Variants in EIF4G1 observed in about 807,000 individuals in gnomAD.
EIF4G1 encodes the protein eukaryotic translation initiation factor 4 gamma 1, also known as EIF4-gamma.
EIF4G1 carries 4 observed loss-of-function variants against 187.8 expected under a neutral mutation model. That is an observed-to-expected ratio of 0.02 (90% CI 0.01 to 0.05). The LOEUF (loss-of-function observed/expected upper bound fraction) is 0.05. Ranked by LOEUF, EIF4G1 falls within the 10% of genes least tolerant of loss-of-function variation. EIF4G1 has a pLI of 1.00. For synonymous variants in EIF4G1, 844 were observed against 781.4 expected, an observed-to-expected ratio of 1.08 and a Z score of -1.34; for missense variants, 1,647 against 2,081.1, an observed-to-expected ratio of 0.79 and a Z score of 4.06.
chr3:184,328,573 C>T (rs1450264489), intron 26 of EIF4G1, 58 bp from the exon 27 acceptor site: 1 of 1,613,408 alleles, frequency 6.2e-7, no homozygotes, highest in African/African-American at 1.3e-5. Context: ...GCCACGTTGC[C>T]CCAGAAGGAG....
At chr3:184,328,306 G>T in intron 26 of EIF4G1, 1 of 483,270 alleles carries the variant, frequency 2.1e-6, no homozygotes. Context: ...CAGGAGAACT[G>T]CTTGAACCCG....
intron 7 of EIF4G1, 139 bp downstream of exon 7, chr3:184,319,940 G>C (rs1723571874): frequency 8.5e-6 from 6 of 708,200 alleles, no homozygotes; most frequent in Non-Finnish European, 1.5e-5. Flanking sequence ...TCTGTGGAGG[G>C]CTCAGGTTCT....
intron 1 of EIF4G1, 51 bp from the exon 2 acceptor site, chr3:184,315,429 CGGTCTGGTT>C: frequency 1.8e-6 from 1 of 555,144 alleles, no homozygotes; most frequent in Non-Finnish European, 3.5e-6. Context: ...CTGGAATTTC[CGGTCTGGTT>C]GGTCTGGGGC....
At chr3:184,332,381 G>A (rs1354699065) in intron 32 of EIF4G1, among the ~76,000 whole-genome samples, 1 of 152,232 alleles carries the variant, frequency 6.6e-6, no homozygotes, top group Non-Finnish European at 1.5e-5. Flanking sequence ...TGCCCCCACG[G>A]CGTGGCACAG....
In EIF4G1 at chr3:184,335,268, C is replaced by G. The variant is rs1726900585; in HGVS notation, c.*360C>G. ...GTCCTCGCTGCTGGGGGCATATGCCCCAGCCCCTGTACCACCCCTGCTGTT... is the reference window on the plus strand; with the variant it reads ...GTCCTCGCTGCTGGGGGCATATGCCGCAGCCCCTGTACCACCCCTGCTGTT... On this transcript the variant is annotated 3_prime_UTR_variant, in exon 33 of 33. Coordinates refer to ENST00000346169, the MANE Select transcript of EIF4G1 (RefSeq NM_198241.3). 6.8e-6 allele frequency: 2 copies of G among 293,904 alleles called. No individual in the cohort carries two copies. The highest frequency in any genetic ancestry group is 9.4e-5 in the Admixed American group (2 of 21,220). 18.2% of individuals were successfully genotyped at this position (293,904 alleles called of 1,614,324 possible). A position where few individuals can be genotyped will look rare whatever the true frequency, so the allele number is the denominator to read the frequency against.
Position 184,325,701 on chromosome 3 carries a change from C to T in EIF4G1, c.3121+62C>T, listed in dbSNP as rs1277577327. On this transcript the variant is annotated intron_variant, in intron 20 of 32. Coordinates refer to ENST00000346169, the MANE Select transcript of EIF4G1 (RefSeq NM_198241.3). The surrounding 1 kb of genome is among the most constrained non-coding windows in gnomAD (Gnocchi z 5.2). ...AGGGACCGGGAGGTTATACTTTCCT[C>T]TGATGACTTCCTGTTAGTGCCACGT... 6.2e-7 allele frequency: 1 copy of T among 1,613,496 alleles called. No homozygotes were observed. Among genetic ancestry groups the T allele is most frequent in the Non-Finnish European group, 8.5e-7 (1 of 1,179,646 alleles).
Position 184,334,539 on chromosome 3 carries a change from T to C in EIF4G1, c.4619-188T>C, listed in dbSNP as rs191743471. ...GTTTTTCTGATGGCCAAGTGACTCA[T>C]TGCTGTGCAGCAGTCTCAGATCATG... is the stretch of plus-strand genomic sequence containing the variant. On this transcript the variant is annotated intron_variant, in intron 32 of 32. Transcript: ENST00000346169. This position sits in a 1 kb window ranked among gnomAD's most constrained non-coding sequence, Gnocchi z 5.8. Among the ~76,000 whole-genome samples the C allele has an allele frequency of 3.9e-5, 6 of 152,316 alleles. No individual in the cohort carries two copies. Among genetic ancestry groups the C allele is most frequent in the Non-Finnish European group, 8.8e-5 (6 of 68,028 alleles).
In EIF4G1 at chr3:184,320,248, A is replaced by AC. The variant is rs1225399113; in HGVS notation, c.538-380dup. ...GAAGCCGCTGAGTCACCCTGGCTCC[A>AC]CCTACTGGATCTGGGCCCTGCCCCC... On this transcript the variant is annotated intron_variant, in intron 7 of 32. Transcript: ENST00000346169. The AC allele has an allele frequency of 1.6e-5, 20 of 1,218,406 alleles. No individual in the cohort carries two copies. The African/African-American group carries it at 3.1e-4, about 19-fold the overall frequency. The allele number at this position is 1,218,406 out of a possible 1,614,324, so 75.5% of individuals were successfully genotyped here. A position where few individuals can be genotyped will look rare whatever the true frequency, so the allele number is the denominator to read the frequency against.
chr3:184,334,652 C>T lies in EIF4G1; in HGVS notation c.4619-75C>T, dbSNP rs980939192. 2.5e-6 allele frequency: 4 copies of T among 1,590,776 alleles called. No homozygotes were observed. Among genetic ancestry groups the T allele is most frequent in the Middle Eastern group, 1.7e-4 (1 of 5,944 alleles). ...TCAGGGCCTTGTTTGAACAGTGGAA[C>T]TTGGGAGGGTTCCCTGGGGTGGGCT... is the stretch of plus-strand genomic sequence containing the variant. On this transcript the variant is annotated intron_variant, in intron 32 of 32. Transcript: ENST00000346169. The surrounding 1 kb of genome is among the most constrained non-coding windows in gnomAD (Gnocchi z 5.8).
At position 184,328,763 on chromosome 3, in the gene EIF4G1, C is replaced by T; in HGVS notation, c.4079+7C>T. 2 of 1,614,042 alleles carry T rather than the reference C, an allele frequency of 1.2e-6. No individual in the cohort carries two copies. The highest frequency in any genetic ancestry group is 8.5e-7 in the Non-Finnish European group (1 of 1,179,998). On this transcript the variant is annotated splice_region_variant and intron_variant, in intron 27 of 32. Coordinates refer to ENST00000346169, the MANE Select transcript of EIF4G1 (RefSeq NM_198241.3). ...CCATGGGGGAGCTGTTCAGGTAAGT[C>T]CCCCTGGGTGGAATTCAGGGGAGGT...
At chr3:184,329,399 G>A (rs1317916338) in intron 28 of EIF4G1, among the ~76,000 whole-genome samples, 2 of 152,310 alleles carry the variant, frequency 1.3e-5, no homozygotes, top group South Asian at 2.1e-4. Context: ...TTGAGAGGCC[G>A]ACGTGGGTGG....
intron 32 of EIF4G1, among the ~76,000 whole-genome samples, chr3:184,332,393 G>A (rs1450737367): frequency 6.6e-6 from 1 of 152,192 alleles, no homozygotes; most frequent in Non-Finnish European, 1.5e-5. Flanking sequence ...GTGGCACAGG[G>A]CTGAAATGCT....
chr3:184,315,457 G>T, intron 1 of EIF4G1, 32 bp from the exon 2 acceptor site: 1 of 596,308 alleles, frequency 1.7e-6, no homozygotes, highest in Non-Finnish European at 3.2e-6. Context: ...GCCCCGCGGA[G>T]CCAGGTTGAT....
Position 184,322,532 on chromosome 3 carries a change from C to T in EIF4G1, c.1609-12C>T, listed in dbSNP as rs1553847626. On this transcript the variant is annotated splice_polypyrimidine_tract_variant and intron_variant, in intron 11 of 32. Coordinates refer to ENST00000346169, the MANE Select transcript of EIF4G1 (RefSeq NM_198241.3). ...CATTCTGCAACCAAAACTGGATGTT[C>T]TGTTGTTCTAGGCGAACCCGGCAGT... is the stretch of plus-strand genomic sequence containing the variant. 3.7e-6 allele frequency: 6 copies of T among 1,614,070 alleles called. No homozygotes were observed. Among genetic ancestry groups the T allele is most frequent in the Non-Finnish European group, 4.2e-6 (5 of 1,180,018 alleles).
chr3:184,331,564 G>A lies in EIF4G1; in HGVS notation c.4353G>A (p.Leu1451=). 1 of 1,608,522 alleles carries A rather than the reference G, an allele frequency of 6.2e-7. No individual in the cohort carries two copies. Among genetic ancestry groups the A allele is most frequent in the Non-Finnish European group, 8.5e-7 (1 of 1,177,214 alleles). Residue 1451 remains leucine, a synonymous_variant, in exon 30 of 33, where the codon CTG becomes CTA. Coordinates refer to ENST00000346169, the MANE Select transcript of EIF4G1 (RefSeq NM_198241.3). ...EELNRQLEKL[L]KEGSSNQRVF... Reference sequence around the variant, plus strand: ...TGAACAGGCAGCTGGAGAAGCTGCTGAAGGAGGGCAGCAGTAACCAGCGGG... The same window carrying A: ...TGAACAGGCAGCTGGAGAAGCTGCTAAAGGAGGGCAGCAGTAACCAGCGGG...
At chr3:184,318,648 A>C (rs1723212696) in intron 6 of EIF4G1, among the ~76,000 whole-genome samples, 1 of 152,142 alleles carries the variant, frequency 6.6e-6, no homozygotes, top group Non-Finnish European at 1.5e-5. Context: ...TCTGTCACCC[A>C]GGCTGGAATG....
intron 4 of EIF4G1, among the ~76,000 whole-genome samples, 168 bp downstream of exon 4, chr3:184,316,386 C>T (rs1277782503): frequency 5.3e-5 from 8 of 152,070 alleles, no homozygotes; most frequent in Non-Finnish European, 1.2e-4. Flanking sequence ...GGTGGCTGGT[C>T]CCTTGGATAG....
At chr3:184,321,067 G>T in intron 9 of EIF4G1, 74 bp downstream of exon 9, 1 of 1,563,136 alleles carries the variant, frequency 6.4e-7, no homozygotes, top group South Asian at 1.2e-5. Flanking sequence ...GTGGTGGAGT[G>T]ACTTGAACTG....
Position 184,335,107 on chromosome 3 carries a change from T to C in EIF4G1, c.*199T>C. On this transcript the variant is annotated 3_prime_UTR_variant, in exon 33 of 33. Coordinates refer to ENST00000346169, the MANE Select transcript of EIF4G1 (RefSeq NM_198241.3). Reference sequence around the variant, plus strand: ...CCTCCAGGATGCCGCCAGGTGTCCCTCTCCTCCCCCTGGGGCACAGAGATA... The same window carrying C: ...CCTCCAGGATGCCGCCAGGTGTCCCCCTCCTCCCCCTGGGGCACAGAGATA... 1.5e-6 allele frequency: 1 copy of C among 649,164 alleles called. No individual in the cohort carries two copies. The highest frequency in any genetic ancestry group is 2.8e-5 in the East Asian group (1 of 36,136). The allele number at this position is 649,164 out of a possible 1,614,324, so 40.2% of individuals were successfully genotyped here.
Sources: allele counts gnomAD v4.1 joint callset (sites outside exome capture counted in the v4.1 genomes callset), GRCh38; gene constraint gnomAD v4.1.1; non-coding constraint Gnocchi (gnomAD v3.1); transcripts MANE v1.5; gene names NCBI Gene and HGNC (gene_info 2026-07-23, HGNC 2026-07-21).